NTM: variants seen among roughly 807,000 people sequenced by gnomAD.
NTM encodes the protein neurotrimin, also known as IgLON family member 2.
A neutral mutation model predicts 42.1 loss-of-function variants in NTM; 13 were observed. That is an observed-to-expected ratio of 0.31 (90% CI 0.20 to 0.49). The LOEUF is 0.49. Ranked by LOEUF, NTM falls within the 20% of genes least tolerant of loss-of-function variation. The pLI, the probability that NTM is intolerant of heterozygous loss-of-function variation, is 0.99. For synonymous variants in NTM, 187 were observed against 179.2 expected (o/e 1.04, Z -0.35); for missense variants, 373 against 452.8 (o/e 0.82, Z 1.60).
intron 1 of NTM, among the ~76,000 whole-genome samples, chr11:131,383,124 T>A (rs752705136): frequency 2.0e-5 from 3 of 152,254 alleles, no homozygotes; most frequent in Non-Finnish European, 2.9e-5. Flanking sequence ...GATGTCTTCA[T>A]CAGCTTTTTG....
intron 1 of NTM, among the ~76,000 whole-genome samples, chr11:131,614,988 T>C (rs547334528): frequency 1.3e-5 from 2 of 152,274 alleles, no homozygotes; most frequent in South Asian, 2.1e-4. Context: ...CCCTTGACCT[T>C]TGTGGTGTGG....
intron 2 of NTM, among the ~76,000 whole-genome samples, chr11:132,120,084 C>G (rs1394605061): frequency 3.9e-5 from 6 of 152,078 alleles, no homozygotes; most frequent in Non-Finnish European, 5.9e-5. Flanking sequence ...CGCTTGCCTT[C>G]CCTCCCAGTC....
intron 4 of NTM, among the ~76,000 whole-genome samples, chr11:132,257,052 G>T (rs953109738): frequency 1.3e-5 from 2 of 152,210 alleles, no homozygotes; most frequent in Non-Finnish European, 2.9e-5. Context: ...GCTGGCAAAG[G>T]CTCTGTGCCA....
chr11:131,676,562 G>A (rs1290920465), intron 1 of NTM, among the ~76,000 whole-genome samples: 1 of 152,118 alleles, frequency 6.6e-6, no homozygotes, highest in African/African-American at 2.4e-5. Flanking sequence ...AGAGACAGAA[G>A]GTTTTATCAG....
In NTM at chr11:131,789,482, AAGAAGAAGAGGAAAGAAGAAGAAG is replaced by A. The variant is rs1348596142; in HGVS notation, c.83-122080_83-122057del. ...GAAGAAGAAGAAGAAGAAGAAGAAG[AAGAAGAAGAGGAAAGAAGAAGAAG>A]AAGAAGAAGAAGAAGAAGAAGAAGA... On this transcript the variant is annotated intron_variant, in intron 1 of 8. Transcript: ENST00000683400. Among the ~76,000 whole-genome samples the A allele has an allele frequency of 2.2e-3, 25 of 11,412 alleles. 9 individuals are homozygous for A. Among genetic ancestry groups the A allele is most frequent in the East Asian group, 2.0e-3 (1 of 490 alleles). 7.5% of individuals were successfully genotyped at this position (11,412 alleles called of 152,430 possible).
At chr11:131,535,328 TAAC>T (rs996750730) in intron 1 of NTM, 2 of 152,014 alleles carry the variant, frequency 1.3e-5, no homozygotes, top group African/African-American at 2.4e-5. Context: ...AAGAAATAAA[TAAC>T]AACTCAAATC....
At chr11:131,821,619 G>A (rs913168474) in intron 1 of NTM, among the ~76,000 whole-genome samples, 5 of 152,194 alleles carry the variant, frequency 3.3e-5, no homozygotes, top group East Asian at 1.9e-4. Flanking sequence ...AAAGCAAAGC[G>A]ACAAGCACAA....
At chr11:131,452,415 G>A (rs1035728240) in intron 1 of NTM, among the ~76,000 whole-genome samples, 1 of 152,178 alleles carries the variant, frequency 6.6e-6, no homozygotes, top group Non-Finnish European at 1.5e-5. Flanking sequence ...CCCGTTTCCC[G>A]AGCTCAGCAC....
At chr11:131,460,938 A>G (rs1469965030) in intron 1 of NTM, among the ~76,000 whole-genome samples, 3 of 152,220 alleles carry the variant, frequency 2.0e-5, no homozygotes. Flanking sequence ...ATTGATAGAA[A>G]GTTGAACAAG....
At chr11:131,373,552 C>A (rs1427047427) in intron 1 of NTM, among the ~76,000 whole-genome samples, 1 of 151,722 alleles carries the variant, frequency 6.6e-6, no homozygotes. Flanking sequence ...CCCTGGGGCT[C>A]TGGCCCTAAG....
rs140404167 is a variant in NTM, at chr11:132,233,756, C to T, written c.526+21609C>T. Among the ~76,000 whole-genome samples, 698 of 152,280 alleles carry T rather than the reference C, an allele frequency of 4.6e-3. 7 individuals are homozygous for T. The highest frequency in any genetic ancestry group is 0.015 in the African/African-American group (629 of 41,556). On this transcript the variant is annotated intron_variant, in intron 4 of 8. Coordinates refer to ENST00000683400, the MANE Select transcript of NTM (RefSeq NM_001352005.2). Reference sequence around the variant, plus strand: ...CTTTAGAGAAGTCTGCCAATCCCTGCACTGCATGAACATGGACTCCTGAAG... The same window carrying T: ...CTTTAGAGAAGTCTGCCAATCCCTGTACTGCATGAACATGGACTCCTGAAG...
chr11:131,757,550 G>A (rs571470168), intron 1 of NTM, among the ~76,000 whole-genome samples: 51 of 152,288 alleles, frequency 3.3e-4, no homozygotes, highest in East Asian at 1.4e-3. Context: ...ATTTCCAGGC[G>A]TGTTAGGTCC....
intron 2 of NTM, among the ~76,000 whole-genome samples, chr11:131,987,378 CCTATTCTATTCTATTCTATT>C (rs60741014): frequency 1.5e-3 from 222 of 147,912 alleles, no homozygotes; most frequent in Middle Eastern, 3.4e-3. Context: ...TCCTATTCCT[CCTATTCTATTCTATTCTATT>C]CTATTCTATT....
chr11:132,287,230 A>T (rs1334833510), intron 4 of NTM, among the ~76,000 whole-genome samples: 1 of 152,194 alleles, frequency 6.6e-6, no homozygotes, highest in African/African-American at 2.4e-5. Flanking sequence ...AGGCACACAT[A>T]ATGGTGAAAT....
intron 3 of NTM, among the ~76,000 whole-genome samples, chr11:132,174,439 T>G (rs1313986565): frequency 6.6e-6 from 1 of 152,242 alleles, no homozygotes; most frequent in Non-Finnish European, 1.5e-5. Context: ...AAGTTAAGAA[T>G]GTACCTTGCT....
chr11:131,796,316 G>A, intron 1 of NTM: 1 of 281,776 alleles, frequency 3.5e-6, no homozygotes, highest in Non-Finnish European at 5.4e-6. Flanking sequence ...GGAGCACGCA[G>A]GAGGCAGGAG....
intron 8 of NTM, among the ~76,000 whole-genome samples, chr11:132,334,279 G>T (rs78987000): frequency 9.4e-4 from 143 of 152,352 alleles, no homozygotes; most frequent in African/African-American, 3.3e-3. Flanking sequence ...TCCTGTGTTT[G>T]TCTCCATCTC....
Position 131,609,877 on chromosome 11 carries a change from C to A in NTM, c.82+238989C>A, listed in dbSNP as rs576629642. On this transcript the variant is annotated intron_variant, in intron 1 of 8. Coordinates refer to ENST00000683400, the MANE Select transcript of NTM (RefSeq NM_001352005.2). ...AAGGGACCAAACACAGGCTTTCCAT[C>A]TGCAGAGGTTGGCAGAGCTCAGGTT... is the stretch of plus-strand genomic sequence containing the variant. Among the ~76,000 whole-genome samples, 23 of 152,322 alleles carry A rather than the reference C, an allele frequency of 1.5e-4. No homozygotes were observed. The South Asian group carries it at 3.5e-3, about 23-fold the overall frequency.
intron 1 of NTM, among the ~76,000 whole-genome samples, chr11:131,563,943 G>GC (rs2056555304): frequency 6.6e-6 from 1 of 152,114 alleles, no homozygotes; most frequent in Admixed American, 6.5e-5. Flanking sequence ...TTATGTGGCT[G>GC]CGTTGCCAAA....
Sources: gnomAD v4.1 joint callset for allele counts (sites outside exome capture counted in the v4.1 genomes callset) on GRCh38, gnomAD v4.1.1 for gene constraint, MANE v1.5 for transcripts, NCBI Gene and HGNC (gene_info 2026-07-23, HGNC 2026-07-21) for gene names.